Variants in SLC13A3 observed in about 807,000 individuals in gnomAD.
SLC13A3 encodes the protein Na(+)/dicarboxylate cotransporter 3.
A neutral mutation model predicts 59.0 loss-of-function variants in SLC13A3; 40 were observed. The observed-to-expected ratio is 0.68, with a 90% CI of 0.53 to 0.88. The LOEUF (loss-of-function observed/expected upper bound fraction) is 0.88. Among genes scored for constraint, SLC13A3 ranks in the 40% least tolerant of loss-of-function variants. The pLI is 0.00. For synonymous variants in SLC13A3, 317 were observed against 330.3 expected (o/e 0.96, Z 0.44); for missense variants, 699 against 783.2 (o/e 0.89, Z 1.28).
At chr20:46,636,594 G>T (rs1037329231) in intron 1 of SLC13A3, among the ~76,000 whole-genome samples, 2 of 152,168 alleles carry the variant, frequency 1.3e-5, no homozygotes, top group African/African-American at 4.8e-5. Flanking sequence ...CAAAGCACCT[G>T]GTTCCCCTGG....
chr20:46,679,977 C>T (rs2063146534), intron 1 of SLC13A3, among the ~76,000 whole-genome samples: 1 of 152,016 alleles, frequency 6.6e-6, no homozygotes, highest in Non-Finnish European at 1.5e-5. Context: ...CATTTACAGG[C>T]TGATGACTCT....
intron 8 of SLC13A3, 23 bp from the exon 9 acceptor site, chr20:46,583,692 C>A: frequency 6.2e-7 from 1 of 1,613,806 alleles, no homozygotes; most frequent in South Asian, 1.1e-5. Context: ...GGCCCCAAAT[C>A]ACGTGACCAT....
intron 3 of SLC13A3, among the ~76,000 whole-genome samples, chr20:46,601,358 C>A (rs750468879): frequency 3.4e-4 from 52 of 152,120 alleles, no homozygotes; most frequent in Non-Finnish European, 5.9e-5. Flanking sequence ...ACCATACAGA[C>A]CCTGAGAGTA....
At chr20:46,599,127 A>G (rs1002406344) in intron 4 of SLC13A3, among the ~76,000 whole-genome samples, 6 of 152,116 alleles carry the variant, frequency 3.9e-5, no homozygotes, top group Non-Finnish European at 5.9e-5. Context: ...CATGGATTAC[A>G]TTCACTTATC....
intron 6 of SLC13A3, among the ~76,000 whole-genome samples, chr20:46,589,744 G>A (rs780272976): frequency 3.3e-5 from 5 of 152,140 alleles, no homozygotes; most frequent in Non-Finnish European, 5.9e-5. Context: ...ACTGAATAGT[G>A]GGGGAAGGAA....
At position 46,623,345 on chromosome 20, in the gene SLC13A3, G is replaced by A. The variant is rs140435731; in HGVS notation, c.112-9620C>T. On this transcript the variant is annotated intron_variant, in intron 1 of 12. Coordinates refer to ENST00000279027, the MANE Select transcript of SLC13A3 (RefSeq NM_022829.6). ...TTTGAGTATTCTCTAAGTTTCAGGC[G>A]TCTTCTATGTATTAACTCATGTAAT... is the stretch of plus-strand genomic sequence containing the variant. Among the ~76,000 whole-genome samples, 4 of 152,254 alleles carry A rather than the reference G, an allele frequency of 2.6e-5. No homozygotes were observed. In the East Asian group the frequency reaches 5.8e-4, roughly 22 times the overall value.
At chr20:46,621,071 G>A (rs995400527) in intron 1 of SLC13A3, among the ~76,000 whole-genome samples, 1 of 152,220 alleles carries the variant, frequency 6.6e-6, no homozygotes, top group Non-Finnish European at 1.5e-5. Context: ...AACATTTTTG[G>A]GGGGATGCTC....
intron 1 of SLC13A3, among the ~76,000 whole-genome samples, chr20:46,684,197 C>G (rs1037606158): frequency 6.6e-6 from 1 of 152,156 alleles, no homozygotes; most frequent in African/African-American, 2.4e-5. Context: ...TCCTGTGTTT[C>G]TGGTTTTCCT....
rs1278454893 is a variant in SLC13A3, at chr20:46,661,686, G to C, written c.-31+8357C>G. ...GTTGTTGTTCATCTGGCCTTTGGAG[G>C]GCTATGGTTCTACACATTTTGAAGG... On this transcript the variant is annotated intron_variant, in intron 1 of 12. Coordinates refer to the SLC13A3 transcript ENST00000290317. Among the ~76,000 whole-genome samples the C allele has an allele frequency of 3.3e-5, 5 of 152,196 alleles. No individual in the cohort carries two copies. The East Asian group carries it at 9.7e-4, about 29-fold the overall frequency.
intron 1 of SLC13A3, among the ~76,000 whole-genome samples, chr20:46,664,793 C>T (rs112214451): frequency 3.3e-5 from 5 of 152,254 alleles, no homozygotes; most frequent in African/African-American, 9.6e-5. Flanking sequence ...AGAAAGTGAA[C>T]ACATGAACTT....
At chr20:46,665,871 G>A (rs1739021740) in intron 1 of SLC13A3, among the ~76,000 whole-genome samples, 1 of 152,184 alleles carries the variant, frequency 6.6e-6, no homozygotes, top group Non-Finnish European at 1.5e-5. Flanking sequence ...GTGTATGCGG[G>A]TTCCAGTTTC....
intron 1 of SLC13A3, among the ~76,000 whole-genome samples, chr20:46,641,408 C>A (rs948318153): frequency 6.6e-6 from 1 of 152,032 alleles, no homozygotes; most frequent in Non-Finnish European, 1.5e-5. Flanking sequence ...AGACACTAGA[C>A]AAAGAAATGA....
At chr20:46,583,714 C>T (rs549999319) in intron 8 of SLC13A3, 45 bp from the exon 9 acceptor site, 36 of 1,610,522 alleles carry the variant, frequency 2.2e-5, no homozygotes, top group Middle Eastern at 1.7e-4. Flanking sequence ...GGCATCTCAG[C>T]GGGCCGAGGT....
At chr20:46,655,306 CACACATAT>C (rs1429426453), upstream of SLC13A3, among the ~76,000 whole-genome samples, 92 of 149,710 alleles carry the variant, frequency 6.1e-4, no homozygotes, top group African/African-American at 2.1e-3. Context: ...CATATATACA[CACACATAT>C]ATACACATAG....
At chr20:46,593,095 T>C (rs1035261024) in intron 5 of SLC13A3, among the ~76,000 whole-genome samples, 19 of 152,216 alleles carry the variant, frequency 1.2e-4, no homozygotes, top group Admixed American at 9.8e-4. Context: ...GAGTTCTTTC[T>C]CTGCTGAACG....
chr20:46,566,509 G>T, intron 10 of SLC13A3, 119 bp from the exon 11 acceptor site: 1 of 1,148,072 alleles, frequency 8.7e-7, no homozygotes, highest in Non-Finnish European at 1.2e-6. Context: ...GGGAGACTGA[G>T]GTGCAGAGAG....
upstream of SLC13A3, among the ~76,000 whole-genome samples, chr20:46,670,320 G>A (rs976086357): frequency 6.6e-6 from 1 of 152,120 alleles, no homozygotes; most frequent in Non-Finnish European, 1.5e-5. Context: ...CCTGACTCAT[G>A]GCTTGAGCTC....
At chr20:46,627,274 A>C (rs193053031) in intron 1 of SLC13A3, among the ~76,000 whole-genome samples, 19 of 152,344 alleles carry the variant, frequency 1.2e-4, no homozygotes, top group African/African-American at 3.6e-4. Context: ...AAGAAAAGTC[A>C]CGTTTTCTCA....
chr20:46,562,549 G>A (rs1229790204), intron 12 of SLC13A3, among the ~76,000 whole-genome samples: 2 of 151,998 alleles, frequency 1.3e-5, no homozygotes, highest in Non-Finnish European at 2.9e-5. Context: ...TGAGCACCTA[G>A]CAATATTGAA....
Sources: allele counts gnomAD v4.1 joint callset (sites outside exome capture counted in the v4.1 genomes callset), GRCh38; gene constraint gnomAD v4.1.1; transcripts MANE v1.5; gene names NCBI Gene and HGNC (gene_info 2026-07-23, HGNC 2026-07-21).